The following BLVRB variants were observed in gnomAD, a reference collection of about 807,000 sequenced individuals.
BLVRB encodes flavin reductase (NADPH).
A neutral mutation model predicts 21.1 loss-of-function variants in BLVRB; 25 were observed. The ratio of observed to expected loss-of-function variants is 1.19; its 90% confidence interval spans 0.86 to 1.66. The LOEUF (loss-of-function observed/expected upper bound fraction) is 1.66, where lower values mean the gene tolerates loss of function less well. BLVRB is among the 40% of genes most tolerant of loss of function. The pLI, the probability that BLVRB is intolerant of heterozygous loss-of-function variation, is 0.00. For synonymous variants in BLVRB, 128 were observed against 122.2 expected (o/e 1.05, Z -0.31); for missense variants, 274 against 282.7 (o/e 0.97, Z 0.22).
At chr19:40,448,186 T>C in intron 4 of BLVRB, 140 bp from the exon 5 acceptor site, 1 of 808,832 alleles carries the variant, frequency 1.2e-6, no homozygotes, top group Admixed American at 2.8e-5. Context: ...GGACTTTCCA[T>C]ATGCAGGTGC....
intron 4 of BLVRB, among the ~76,000 whole-genome samples, 186 bp from the exon 5 acceptor site, chr19:40,448,232 C>T (rs565749951): frequency 6.6e-6 from 1 of 152,196 alleles, no homozygotes. Context: ...TTCGATAAAT[C>T]CTTATTGATT....
At chr19:40,459,368 A>T (rs1483910286) in intron 1 of BLVRB, among the ~76,000 whole-genome samples, 2 of 143,126 alleles carry the variant, frequency 1.4e-5, no homozygotes, top group Admixed American at 1.4e-4. Flanking sequence ...AAAAAAGACC[A>T]TACCTTCATG....
intron 4 of BLVRB, among the ~76,000 whole-genome samples, chr19:40,448,286 A>G (rs1381191640): frequency 1.3e-5 from 2 of 152,058 alleles, no homozygotes; most frequent in Admixed American, 1.3e-4. Context: ...CAAGGGACAA[A>G]GCAGACAGGA....
At chr19:40,454,192 A>G (rs764259684) in intron 3 of BLVRB, among the ~76,000 whole-genome samples, 5 of 152,096 alleles carry the variant, frequency 3.3e-5, no homozygotes, top group Non-Finnish European at 5.9e-5. Context: ...AGCTATGATG[A>G]CATCATTCTC....
In BLVRB at chr19:40,460,094, T is replaced by C. The variant is rs2079779863; in HGVS notation, c.80-1549A>G. On this transcript the variant is annotated intron_variant, in intron 1 of 4. Coordinates refer to ENST00000263368, the MANE Select transcript of BLVRB (RefSeq NM_000713.3). ...TTAAAGATTTTTAATATTGTCTTAG[T>C]ATGTTCCTTCCCAAAATAATTTTGG... is the stretch of plus-strand genomic sequence containing the variant. Among the ~76,000 whole-genome samples, 3 of 151,994 alleles carry C rather than the reference T, an allele frequency of 2.0e-5. No individual in the cohort carries two copies. The South Asian group carries it at 6.2e-4, about 32-fold the overall frequency.
At chr19:40,461,864 G>A (rs941927645) in intron 1 of BLVRB, among the ~76,000 whole-genome samples, 3 of 152,044 alleles carry the variant, frequency 2.0e-5, no homozygotes, top group Non-Finnish European at 4.4e-5. Flanking sequence ...GACTTTGCAC[G>A]TGCTGTGCCC....
At chr19:40,451,527 C>G in intron 3 of BLVRB, 35 bp from the exon 4 acceptor site, 2 of 1,472,400 alleles carry the variant, frequency 1.4e-6, no homozygotes, top group Non-Finnish European at 1.8e-6. Context: ...AGCCTGGGCT[C>G]TCTTGTCTTT....
chr19:40,464,993 G>A (rs1286458636), intron 1 of BLVRB, among the ~76,000 whole-genome samples: 1 of 152,074 alleles, frequency 6.6e-6, no homozygotes, highest in Non-Finnish European at 1.5e-5. Flanking sequence ...ACTTTCCCAG[G>A]ACTGCTGTCC....
rs781732391 is a variant in BLVRB, at chr19:40,465,596, G to A, written c.79+14C>T. On this transcript the variant is annotated intron_variant, in intron 1 of 4. Transcript: ENST00000263368. ...GTCTGTCCCGTGACATGCCCCGCCC[G>A]CCCCGGCTCATGCCTGCTTGCACCG... The A allele has an allele frequency of 1.2e-5, 20 of 1,607,692 alleles. No homozygotes were observed. Among genetic ancestry groups the A allele is most frequent in the South Asian group, 3.3e-5 (3 of 90,152 alleles).
chr19:40,448,820 A>G lies in BLVRB; in HGVS notation c.464-774T>C, dbSNP rs968738819. Among the ~76,000 whole-genome samples, 3 of 151,792 alleles carry G rather than the reference A, an allele frequency of 2.0e-5. No homozygotes were observed. In the South Asian group the frequency reaches 6.2e-4, roughly 32 times the overall value. ...GGAAGCTCCTGCCCTGGCTGGGCAC[A>G]GTGGCTCACGCCTGTAATCTCAGCA... On this transcript the variant is annotated intron_variant, in intron 4 of 4. Coordinates refer to ENST00000263368, the MANE Select transcript of BLVRB (RefSeq NM_000713.3).
intron 1 of BLVRB, among the ~76,000 whole-genome samples, chr19:40,461,376 C>T (rs73559686): frequency 0.14 from 21,240 of 152,216 alleles, 1,538 homozygotes; most frequent in African/African-American, 0.16. Context: ...AGTTGCCTCC[C>T]GCAAGCCTGA....
At chr19:40,448,161 G>T in intron 4 of BLVRB, 115 bp from the exon 5 acceptor site, 1 of 1,142,008 alleles carries the variant, frequency 8.8e-7, no homozygotes, top group South Asian at 1.6e-5. Flanking sequence ...CCTGGGTGGT[G>T]TCACAGCCAA....
intron 1 of BLVRB, among the ~76,000 whole-genome samples, chr19:40,460,269 T>TATATATATATATATATATATATACAC (rs1281133813): frequency 7.1e-6 from 1 of 140,694 alleles, no homozygotes; most frequent in African/African-American, 2.8e-5. Flanking sequence ...TATATATATA[T>TATATATATATATATATATATATACAC]ATATATTTAG....
chr19:40,465,369 G>A (rs1187251666), intron 1 of BLVRB, among the ~76,000 whole-genome samples: 5 of 152,214 alleles, frequency 3.3e-5, no homozygotes, highest in African/African-American at 7.2e-5. Context: ...ACACGACTGT[G>A]CCAGTGGAGT....
intron 1 of BLVRB, among the ~76,000 whole-genome samples, chr19:40,461,944 C>G (rs1403378909): frequency 6.6e-6 from 1 of 152,226 alleles, no homozygotes; most frequent in East Asian, 1.9e-4. Flanking sequence ...TGTCACAGCC[C>G]TCTTTATGCT....
At chr19:40,453,760 G>A (rs2079750518) in intron 3 of BLVRB, among the ~76,000 whole-genome samples, 1 of 152,146 alleles carries the variant, frequency 6.6e-6, no homozygotes, top group Non-Finnish European at 1.5e-5. Flanking sequence ...GGGAGGCTGA[G>A]GTAGGAGGAT....
Position 40,458,364 on chromosome 19 carries a change from GA to G in BLVRB, c.244+16del, listed in dbSNP as rs45604234. On this transcript the variant is annotated intron_variant, in intron 2 of 4. Coordinates refer to ENST00000263368, the MANE Select transcript of BLVRB (RefSeq NM_000713.3). ...GAGGTGTAGGGGAGGGCCGTGGGCA[GA>G]GGGGGGGCTCAGTACTGAGGTCATT... 3.4e-3 allele frequency: 5,374 copies of G among 1,557,798 alleles called. 36 individuals are homozygous for G. The highest frequency in any genetic ancestry group is 0.019 in the South Asian group (1,645 of 85,048).
In BLVRB at chr19:40,458,410, A is replaced by G. The variant is rs1599689572; in HGVS notation, c.215T>C (p.Ile72Thr). Residue 72 changes from isoleucine (I) to threonine (T), a missense_variant, in exon 2 of 5, where the codon ATC becomes ACC. Transcript: ENST00000263368. ...DKTVAGQDAV[I>T]VLLGTRNDLS... ...GTCATTGCGGGTGCCCAGCAGCACGATGACAGCGTCCTGCCCAGCCACGGT... is the reference window on the plus strand; with the variant it reads ...GTCATTGCGGGTGCCCAGCAGCACGGTGACAGCGTCCTGCCCAGCCACGGT... The G allele has an allele frequency of 1.3e-6, 2 of 1,591,400 alleles. No homozygotes were observed. The highest frequency in any genetic ancestry group is 1.3e-5 in the African/African-American group (1 of 74,480).
At chr19:40,464,068 C>G (rs1289214540) in intron 1 of BLVRB, among the ~76,000 whole-genome samples, 1 of 151,420 alleles carries the variant, frequency 6.6e-6, no homozygotes, top group Non-Finnish European at 1.5e-5. Context: ...CACCCAGCCT[C>G]TTTTTCTTTC....
Sources: allele counts gnomAD v4.1 joint callset (sites outside exome capture counted in the v4.1 genomes callset), GRCh38; gene constraint gnomAD v4.1.1; transcripts MANE v1.5; gene names NCBI Gene and HGNC (gene_info 2026-07-23, HGNC 2026-07-21).